Variants in MDGA2 observed in about 807,000 individuals in gnomAD.
MDGA2 encodes MAM domain containing glycosylphosphatidylinositol anchor 2.
Under a neutral mutation model 117.8 loss-of-function variants are expected in MDGA2, and 40 were observed. The observed-to-expected ratio is 0.34, with a 90% CI of 0.26 to 0.44. MDGA2 has a LOEUF of 0.44. MDGA2 is among the 20% of genes least tolerant of loss of function. MDGA2 has a pLI of 1.00. For missense variants in MDGA2, 1,123 were observed against 1,250.6 expected (o/e 0.90, Z 1.54); for synonymous variants, 452 against 439.0 (o/e 1.03, Z -0.37).
intron 1 of MDGA2, among the ~76,000 whole-genome samples, chr14:47,313,578 T>C (rs1350879407): frequency 6.6e-6 from 1 of 152,182 alleles, no homozygotes; most frequent in East Asian, 1.9e-4. Context: ...ATTATAGGCA[T>C]GAGCCACCAT....
chr14:47,341,031 C>G (rs1372413081), intron 1 of MDGA2, among the ~76,000 whole-genome samples: 1 of 152,130 alleles, frequency 6.6e-6, no homozygotes, highest in African/African-American at 2.4e-5. Context: ...TAATTTCATT[C>G]TGAATGAAGG....
intron 1 of MDGA2, among the ~76,000 whole-genome samples, chr14:47,545,615 C>T (rs1895447134): frequency 6.6e-6 from 1 of 152,070 alleles, no homozygotes; most frequent in Non-Finnish European, 1.5e-5. Flanking sequence ...GACTTTCTTC[C>T]AACAAAGCTT....
intron 1 of MDGA2, among the ~76,000 whole-genome samples, chr14:47,489,210 AAT>A (rs1464500918): frequency 4.1e-5 from 5 of 123,448 alleles, no homozygotes; most frequent in Admixed American, 2.4e-4. Flanking sequence ...CACAAAAAAA[AAT>A]TTGAACTGAA....
intron 5 of MDGA2, among the ~76,000 whole-genome samples, chr14:47,107,362 G>A (rs552548387): frequency 3.3e-5 from 5 of 152,046 alleles, no homozygotes; most frequent in African/African-American, 4.8e-5. Flanking sequence ...TATAAACCCC[G>A]TGGTGCCAAA....
intron 1 of MDGA2, among the ~76,000 whole-genome samples, chr14:47,609,450 TA>T (rs1267245059): frequency 2.0e-5 from 2 of 100,320 alleles, no homozygotes; most frequent in East Asian, 6.4e-4. Flanking sequence ...TATATATATA[TA>T]TATATATATA....
At chr14:47,572,290 C>T (rs1896035678) in intron 1 of MDGA2, among the ~76,000 whole-genome samples, 1 of 152,084 alleles carries the variant, frequency 6.6e-6, no homozygotes, top group East Asian at 1.9e-4. Context: ...TTTATAAAAG[C>T]CGCTTGTATA....
intron 1 of MDGA2, among the ~76,000 whole-genome samples, chr14:47,366,341 C>T (rs186893214): frequency 1.2e-4 from 18 of 151,002 alleles, no homozygotes; most frequent in Admixed American, 2.6e-4. Context: ...GGACATCTGG[C>T]TCTGATGTAT....
chr14:46,875,665 C>T (rs945414135), intron 12 of MDGA2, among the ~76,000 whole-genome samples: 10 of 151,474 alleles, frequency 6.6e-5, no homozygotes, highest in African/African-American at 9.7e-5. Flanking sequence ...CATACATGCA[C>T]GTATTTCTTT....
At chr14:47,539,619 A>G (rs2138751194) in intron 1 of MDGA2, among the ~76,000 whole-genome samples, 1 of 152,330 alleles carries the variant, frequency 6.6e-6, no homozygotes, top group East Asian at 1.9e-4. Context: ...ACAATCGATC[A>G]CAGTGAACTA....
chr14:47,058,514 T>C (rs887217707), intron 7 of MDGA2: 2 of 984,166 alleles, frequency 2.0e-6, no homozygotes, highest in Non-Finnish European at 1.2e-6. Flanking sequence ...ATTGATATAA[T>C]CCAAGATTTC....
At chr14:46,868,836 C>T (rs574943264) in intron 14 of MDGA2, among the ~76,000 whole-genome samples, 146 of 152,072 alleles carry the variant, frequency 9.6e-4, no homozygotes, top group Non-Finnish European at 1.9e-3. Flanking sequence ...ATCTGTTTTG[C>T]AGAGAAAATG....
intron 3 of MDGA2, among the ~76,000 whole-genome samples, chr14:47,161,236 CT>C (rs1223540153): frequency 6.6e-6 from 1 of 151,988 alleles, no homozygotes; most frequent in Admixed American, 6.6e-5. Flanking sequence ...TGTTCCATTA[CT>C]TTTTAAAAAA....
chr14:47,391,610 T>C (rs528282810), intron 1 of MDGA2, among the ~76,000 whole-genome samples: 2 of 152,310 alleles, frequency 1.3e-5, no homozygotes, highest in South Asian at 4.1e-4. Context: ...TATAACACAC[T>C]AATCAAGGCA....
At chr14:46,986,834 T>G (rs2138411385) in intron 8 of MDGA2, among the ~76,000 whole-genome samples, 1 of 152,250 alleles carries the variant, frequency 6.6e-6, no homozygotes, top group Middle Eastern at 3.4e-3. Flanking sequence ...CTGCCAAGTG[T>G]GTCTGATTTT....
At position 47,436,595 on chromosome 14, in the gene MDGA2, G is replaced by A. The variant is rs532430103; in HGVS notation, c.281-135045C>T. Among the ~76,000 whole-genome samples the A allele has an allele frequency of 1.2e-4, 18 of 152,144 alleles. No homozygotes were observed. The South Asian group carries it at 3.5e-3, about 30-fold the overall frequency. On this transcript the variant is annotated intron_variant, in intron 1 of 16. Coordinates refer to ENST00000399232, the MANE Select transcript of MDGA2 (RefSeq NM_001113498.3). ...CCATAGAAAGTACCCTCTAGCCGAG[G>A]GGTGTCCAATCTTTTGGCTTTCCTG... is the stretch of plus-strand genomic sequence containing the variant.
At position 47,515,990 on chromosome 14, in the gene MDGA2, T is replaced by A. The variant is rs1047212239; in HGVS notation, c.280+158527A>T. 2.6e-5 allele frequency among the ~76,000 whole-genome samples: 4 copies of A among 152,268 alleles called. 1 individual carries two copies. Among genetic ancestry groups the A allele is most frequent in the Middle Eastern group, 6.8e-3 (2 of 294 alleles). ...TGCATTCCACTGTCAGGAAATTATA[T>A]CAAAGAGAATGAGACTCTTTATTTC... On this transcript the variant is annotated intron_variant, in intron 1 of 16. Transcript: ENST00000399232.
rs562681475 is a variant in MDGA2 at position 47,025,123 on chromosome 14, T to C, written c.1819+9888A>G. Among the ~76,000 whole-genome samples the C allele has an allele frequency of 3.9e-5, 6 of 152,222 alleles. 1 individual carries two copies. In the South Asian group the frequency reaches 1.2e-3, roughly 32 times the overall value. The stretch of plus-strand genomic sequence containing the variant: ...TATTATTATCAAATGCAGAAAAATA[T>C]AAGAGTAAAAGAATTGCTAAGAGTT... On this transcript the variant is annotated intron_variant, in intron 8 of 16. Transcript: ENST00000399232.
At chr14:47,667,418 AATCTGGTTCAGAGTG>A (rs1186543547) in intron 1 of MDGA2, among the ~76,000 whole-genome samples, 1 of 152,204 alleles carries the variant, frequency 6.6e-6, no homozygotes, top group Non-Finnish European at 1.5e-5. Context: ...TGAGAAGAGT[AATCTGGTTCAGAGTG>A]ACCACAGGCT....
intron 7 of MDGA2, among the ~76,000 whole-genome samples, chr14:47,040,108 C>T (rs1377652187): frequency 2.6e-5 from 4 of 152,106 alleles, no homozygotes; most frequent in African/African-American, 4.8e-5. Context: ...TATACATGCT[C>T]TGTCTTTACA....
Sources: gnomAD v4.1 joint callset for allele counts (sites outside exome capture counted in the v4.1 genomes callset) on GRCh38, gnomAD v4.1.1 for gene constraint, MANE v1.5 for transcripts, NCBI Gene and HGNC (gene_info 2026-07-23, HGNC 2026-07-21) for gene names.